SLC25A13: variants seen among roughly 807,000 people sequenced by gnomAD.
SLC25A13 encodes the protein electrogenic aspartate/glutamate antiporter SLC25A13, mitochondrial.
SLC25A13 carries 70 observed loss-of-function variants against 85.5 expected under a neutral mutation model. The observed-to-expected ratio is 0.82, with a 90% CI of 0.68 to 1.00. SLC25A13 has a LOEUF of 1.00. SLC25A13 is among the 50% of genes least tolerant of loss of function. The pLI is 0.00. For synonymous variants in SLC25A13, 259 were observed against 288.7 expected (o/e 0.90, Z 1.04); for missense variants, 765 against 819.8 (o/e 0.93, Z 0.82).
intron 10 of SLC25A13, 133 bp from the exon 11 acceptor site, chr7:96,184,568 A>G (rs1386719536): frequency 3.6e-6 from 3 of 825,328 alleles, no homozygotes; most frequent in African/African-American, 3.4e-5. Flanking sequence ...TTAAAACAGT[A>G]CTACCTTTCT....
intron 1 of SLC25A13, chr7:96,306,895 C>A: frequency 9.1e-7 from 1 of 1,095,920 alleles, no homozygotes; most frequent in Non-Finnish European, 1.4e-6. Flanking sequence ...TCACTCCAAT[C>A]TCTCTTGCCC....
intron 3 of SLC25A13, among the ~76,000 whole-genome samples, chr7:96,241,029 G>T: frequency 1.0e-5 from 1 of 96,826 alleles, no homozygotes; most frequent in South Asian, 3.8e-4. Flanking sequence ...GAAAAGAAAA[G>T]AAAGAAAGGA....
At chr7:96,303,204 G>C (rs1024259194) in intron 1 of SLC25A13, among the ~76,000 whole-genome samples, 1 of 152,056 alleles carries the variant, frequency 6.6e-6, no homozygotes, top group Non-Finnish European at 1.5e-5. Flanking sequence ...TACTTCCCCA[G>C]TCACCCTCCC....
rs551299708 is a variant in SLC25A13, at chr7:96,276,730, T to A, written c.212+466A>T. Among the ~76,000 whole-genome samples the A allele has an allele frequency of 4.4e-3, 671 of 152,342 alleles. 5 individuals are homozygous for A. The highest frequency in any genetic ancestry group is 8.0e-3 in the Non-Finnish European group (547 of 68,018). On this transcript the variant is annotated intron_variant, in intron 3 of 17. Transcript: ENST00000265631. Reference sequence around the variant, plus strand: ...ACGTGTCCTATTTGATTCTATATGGTACAGTTTCTTTCCTCTAGCTTTTGC... The same window carrying A: ...ACGTGTCCTATTTGATTCTATATGGAACAGTTTCTTTCCTCTAGCTTTTGC...
chr7:96,238,942 TA>T (rs1211802542), intron 3 of SLC25A13, among the ~76,000 whole-genome samples: 2 of 149,842 alleles, frequency 1.3e-5, no homozygotes, highest in Admixed American at 6.7e-5. Context: ...AAGGCTTATA[TA>T]AAAAAAGCAT....
intron 13 of SLC25A13, among the ~76,000 whole-genome samples, chr7:96,159,125 C>T (rs1372165190): frequency 1.3e-5 from 2 of 152,154 alleles, no homozygotes; most frequent in Non-Finnish European, 2.9e-5. Context: ...GGCATGAGGT[C>T]GGAAGGCCAC....
intron 3 of SLC25A13, among the ~76,000 whole-genome samples, chr7:96,264,117 C>T (rs965544935): frequency 2.0e-5 from 3 of 152,172 alleles, no homozygotes; most frequent in African/African-American, 7.2e-5. Context: ...GGAACCTCAC[C>T]TACTCTGGAT....
In SLC25A13 at chr7:96,121,215, T is replaced by C. The variant is rs1562773588; in HGVS notation, c.2004A>G (p.Ser668=). The C allele has an allele frequency of 4.3e-6, 7 of 1,614,086 alleles. No homozygotes were observed. The highest frequency in any genetic ancestry group is 5.9e-6 in the Non-Finnish European group (7 of 1,180,008). Reference sequence around the variant, plus strand: ...CCTATGGGCCTCCACCAATAGCCTTTGAGGTAGATACTGATGGCTTGAAGA... The same window carrying C: ...CCTATGGGCCTCCACCAATAGCCTTCGAGGTAGATACTGATGGCTTGAAGA... ...LPLFKPSVST[S]KAIGGGP is the part of the protein sequence containing the mutation. The change falls in exon 18 of 18, where the codon TCA becomes TCG. Residue 668 remains serine (S), a synonymous_variant. Transcript: ENST00000265631.
At position 96,236,560 on chromosome 7, in the gene SLC25A13, G is replaced by T. The variant is rs558617380; in HGVS notation, c.213-1643C>A. On this transcript the variant is annotated intron_variant, in intron 3 of 17. Coordinates refer to ENST00000265631, the MANE Select transcript of SLC25A13 (RefSeq NM_014251.3). ...TGGTATTTGAAGAACAAATTTTAAA[G>T]CTGAGAAGATCTTAGGGATTATCTA... Among the ~76,000 whole-genome samples the T allele has an allele frequency of 8.5e-5, 13 of 152,340 alleles. 1 individual carries two copies. In the East Asian group the frequency reaches 1.7e-3, roughly 20 times the overall value.
At chr7:96,307,852 TA>T (rs1348203181) in intron 1 of SLC25A13, among the ~76,000 whole-genome samples, 6 of 151,952 alleles carry the variant, frequency 3.9e-5, no homozygotes, top group Non-Finnish European at 8.8e-5. Context: ...ATGGAACATT[TA>T]AATCTGACTC....
At chr7:96,300,649 C>T (rs1799516745) in intron 1 of SLC25A13, among the ~76,000 whole-genome samples, 1 of 152,154 alleles carries the variant, frequency 6.6e-6, no homozygotes, top group Admixed American at 6.6e-5. Context: ...AACATTGTGG[C>T]CATCCTAACT....
At chr7:96,162,198 CAA>C (rs1793533670) in intron 13 of SLC25A13, among the ~76,000 whole-genome samples, 1 of 152,166 alleles carries the variant, frequency 6.6e-6, no homozygotes. Flanking sequence ...CCACTTCAGG[CAA>C]TCTGTCTCAT....
chr7:96,178,030 T>C (rs1390097307), intron 11 of SLC25A13, among the ~76,000 whole-genome samples: 2 of 152,180 alleles, frequency 1.3e-5, no homozygotes, highest in African/African-American at 4.8e-5. Flanking sequence ...CTGACCCTTG[T>C]ACACAACAAA....
At chr7:96,207,357 C>G (rs921439499) in intron 5 of SLC25A13, among the ~76,000 whole-genome samples, 5 of 152,124 alleles carry the variant, frequency 3.3e-5, no homozygotes, top group Non-Finnish European at 7.4e-5. Flanking sequence ...AAAATCTTTA[C>G]CAAGTGAGCA....
intron 4 of SLC25A13, among the ~76,000 whole-genome samples, chr7:96,216,212 C>T (rs1373168073): frequency 6.6e-6 from 1 of 151,226 alleles, no homozygotes; most frequent in Non-Finnish European, 1.5e-5. Flanking sequence ...TACGATCTCA[C>T]ACCACTCAGA....
intron 4 of SLC25A13, among the ~76,000 whole-genome samples, chr7:96,218,114 C>CTTAA (rs548476586): frequency 8.1e-4 from 123 of 152,086 alleles, no homozygotes; most frequent in African/African-American, 2.7e-3. Flanking sequence ...AGTATAAAGT[C>CTTAA]TTAATTATAA....
At chr7:96,209,958 T>C (rs1222604517) in intron 4 of SLC25A13, among the ~76,000 whole-genome samples, 3 of 152,160 alleles carry the variant, frequency 2.0e-5, no homozygotes, top group African/African-American at 4.8e-5. Flanking sequence ...TCTCTTTTGC[T>C]TCTATTTAAA....
At chr7:96,175,316 G>A (rs1794178507) in intron 11 of SLC25A13, among the ~76,000 whole-genome samples, 2 of 152,170 alleles carry the variant, frequency 1.3e-5, no homozygotes. Context: ...ATGGAGTCAG[G>A]GCACTGGAGG....
At chr7:96,178,212 G>C (rs575792671) in intron 11 of SLC25A13, among the ~76,000 whole-genome samples, 169 of 152,320 alleles carry the variant, frequency 1.1e-3, no homozygotes, top group African/African-American at 3.9e-3. Context: ...CGCAGGGTCA[G>C]GAGTGGGTTG....
Sources: allele counts gnomAD v4.1 joint callset (sites outside exome capture counted in the v4.1 genomes callset), GRCh38; gene constraint gnomAD v4.1.1; transcripts MANE v1.5; gene names NCBI Gene and HGNC (gene_info 2026-07-23, HGNC 2026-07-21).